Variants in PRKG1 observed in about 807,000 individuals in gnomAD.
The protein encoded by PRKG1 is protein kinase cGMP-dependent 1, also known as cGMP-dependent protein kinase 1.
In PRKG1, 35 loss-of-function variants were observed where a neutral mutation model predicts 88.1. The observed-to-expected ratio is 0.40, with a 90% CI of 0.30 to 0.53. The LOEUF (loss-of-function observed/expected upper bound fraction) is 0.53, where lower values mean the gene tolerates loss of function less well. PRKG1 is among the 20% of genes least tolerant of loss of function. The probability of loss-of-function intolerance (pLI) is 0.59; values close to 1 mark genes in which losing one functional copy is unlikely to be tolerated. For missense variants in PRKG1, 540 were observed against 839.8 expected (o/e 0.64, Z 4.41); for synonymous variants, 303 against 292.5 (o/e 1.04, Z -0.37).
intron 1 of PRKG1, among the ~76,000 whole-genome samples, chr10:51,046,317 A>T (rs1397925635): frequency 6.6e-6 from 1 of 152,190 alleles, no homozygotes; most frequent in Admixed American, 6.5e-5. Context: ...TTTGAGCCTG[A>T]GATCCCAGTC....
At chr10:51,351,053 T>C (rs1234156525) in intron 2 of PRKG1, among the ~76,000 whole-genome samples, 3 of 152,170 alleles carry the variant, frequency 2.0e-5, no homozygotes, top group Non-Finnish European at 4.4e-5. Flanking sequence ...AATGATGGTT[T>C]CCAGTTTCAT....
chr10:51,717,449 G>A (rs1841913075), intron 3 of PRKG1, among the ~76,000 whole-genome samples: 1 of 152,146 alleles, frequency 6.6e-6, no homozygotes, highest in African/African-American at 2.4e-5. Flanking sequence ...TTAATGTAAA[G>A]GTGGCTTTGT....
intron 7 of PRKG1, among the ~76,000 whole-genome samples, chr10:52,099,275 A>G (rs967689588): frequency 6.6e-6 from 1 of 152,160 alleles, no homozygotes. Context: ...GGAGAGGAAA[A>G]TGGTAGAACA....
At chr10:52,215,037 C>CAAAA (rs5784912) in intron 9 of PRKG1, among the ~76,000 whole-genome samples, 1 of 134,052 alleles carries the variant, frequency 7.5e-6, no homozygotes, top group Non-Finnish European at 1.6e-5. Flanking sequence ...AAAGTTTTTT[C>CAAAA]AAAAAAAAAA....
At chr10:51,476,571 A>G (rs1840202399) in intron 3 of PRKG1, among the ~76,000 whole-genome samples, 1 of 151,258 alleles carries the variant, frequency 6.6e-6, no homozygotes, top group South Asian at 2.1e-4. Context: ...ATCAAACAGC[A>G]TTGTTTAAAT....
At chr10:51,616,165 C>G (rs951136358) in intron 3 of PRKG1, among the ~76,000 whole-genome samples, 1 of 152,228 alleles carries the variant, frequency 6.6e-6, no homozygotes. Flanking sequence ...GACTTGAATG[C>G]CAGATGGACT....
In PRKG1 at chr10:52,179,686, T is replaced by C. The variant is rs12251086; in HGVS notation, c.1076+17723T>C. Among the ~76,000 whole-genome samples the C allele has an allele frequency of 5.4e-3, 822 of 152,286 alleles. 9 individuals carry two copies. The highest frequency in any genetic ancestry group is 0.019 in the African/African-American group (792 of 41,556). ...TTTTATTAGATACACTTTGTTGTTG[T>C]TGCTGCTGTTGTTTTTGTTTGAGAT... On this transcript the variant is annotated intron_variant, in intron 9 of 17. Coordinates refer to ENST00000373980, the MANE Select transcript of PRKG1 (RefSeq NM_006258.4).
intron 3 of PRKG1, among the ~76,000 whole-genome samples, chr10:51,468,507 A>G (rs1441863553): frequency 6.6e-6 from 1 of 151,872 alleles, no homozygotes. Context: ...AATAGTTAGA[A>G]GGAAAAAGAT....
intron 10 of PRKG1, among the ~76,000 whole-genome samples, chr10:52,258,748 A>AT (rs1475267474): frequency 5.9e-5 from 9 of 152,132 alleles, no homozygotes; most frequent in Non-Finnish European, 1.3e-4. Context: ...TAAGATTAAC[A>AT]TATTGGAAAA....
chr10:51,417,194 T>A (rs943011954), intron 2 of PRKG1, among the ~76,000 whole-genome samples: 1 of 152,162 alleles, frequency 6.6e-6, no homozygotes, highest in Non-Finnish European at 1.5e-5. Context: ...TTTTAAAAAG[T>A]ACGTAATTAT....
chr10:51,517,049 C>T (rs1287089741), intron 3 of PRKG1, among the ~76,000 whole-genome samples: 1 of 152,026 alleles, frequency 6.6e-6, no homozygotes, highest in East Asian at 1.9e-4. Flanking sequence ...TTCTACCCTC[C>T]TAGGTTCTAC....
At chr10:51,465,516 T>G (rs928265469) in intron 2 of PRKG1, among the ~76,000 whole-genome samples, 13 of 152,210 alleles carry the variant, frequency 8.5e-5, no homozygotes, top group Non-Finnish European at 1.8e-4. Context: ...TATTATTCTT[T>G]GGAGTCTCTA....
chr10:52,083,752 TG>T (rs1476210789), intron 7 of PRKG1, among the ~76,000 whole-genome samples: 1 of 152,016 alleles, frequency 6.6e-6, no homozygotes, highest in African/African-American at 2.4e-5. Context: ...AGTTCAAGGA[TG>T]GATGTGAAAT....
intron 9 of PRKG1, among the ~76,000 whole-genome samples, chr10:52,212,039 C>T (rs1839990726): frequency 6.6e-6 from 1 of 152,060 alleles, no homozygotes; most frequent in Admixed American, 6.6e-5. Flanking sequence ...AAACTTTAGA[C>T]AAATTTAACA....
At chr10:51,211,922 C>CCTT (rs1838231944) in intron 2 of PRKG1, among the ~76,000 whole-genome samples, 1 of 152,168 alleles carries the variant, frequency 6.6e-6, no homozygotes, top group East Asian at 1.9e-4. Context: ...ATGCCATCCC[C>CCTT]ATCAAGCTAA....
chr10:51,702,822 G>A (rs989806721), intron 3 of PRKG1, among the ~76,000 whole-genome samples: 2 of 151,902 alleles, frequency 1.3e-5, no homozygotes, highest in Non-Finnish European at 2.9e-5. Context: ...TTAGCCTCCC[G>A]AGTAAAGACT....
intron 2 of PRKG1, among the ~76,000 whole-genome samples, chr10:51,308,464 T>C (rs983813521): frequency 6.6e-6 from 1 of 152,210 alleles, no homozygotes; most frequent in African/African-American, 2.4e-5. Context: ...CATGGGCCTA[T>C]TGCTCAGTAA....
chr10:51,126,307 T>A (rs1427975624), intron 1 of PRKG1, among the ~76,000 whole-genome samples: 2 of 123,580 alleles, frequency 1.6e-5, no homozygotes, highest in South Asian at 4.8e-4. Context: ...ATTTATATAT[T>A]TATAATTATT....
At chr10:51,765,815 ATTTTTTT>A (rs398046339) in intron 3 of PRKG1, among the ~76,000 whole-genome samples, 1 of 134,614 alleles carries the variant, frequency 7.4e-6, no homozygotes, top group East Asian at 2.5e-4. Flanking sequence ...GCCTTACATG[ATTTTTTT>A]TTTTTTTTTT....
Sources: gnomAD v4.1 joint callset for allele counts (sites outside exome capture counted in the v4.1 genomes callset) on GRCh38, gnomAD v4.1.1 for gene constraint, MANE v1.5 for transcripts, NCBI Gene and HGNC (gene_info 2026-07-23, HGNC 2026-07-21) for gene names.